Variants in PCDHGB6 observed in about 807,000 individuals in gnomAD.
PCDHGB6 encodes protocadherin gamma subfamily B, 6.
A neutral mutation model predicts 59.1 loss-of-function variants in PCDHGB6; 51 were observed. That is an observed-to-expected ratio of 0.86 (90% CI 0.69 to 1.09). The LOEUF (loss-of-function observed/expected upper bound fraction) is 1.09. Among genes scored for constraint, PCDHGB6 ranks in the 50% least tolerant of loss-of-function variants. The pLI, the probability that PCDHGB6 is intolerant of heterozygous loss-of-function variation, is 0.00. For synonymous variants in PCDHGB6, 466 were observed against 495.1 expected, an observed-to-expected ratio of 0.94 and a Z score of 0.78; for missense variants, 1,148 against 1,205.1, an observed-to-expected ratio of 0.95 and a Z score of 0.70.
chr5:141,476,236 AAG>A lies in PCDHGB6; in HGVS notation c.2419-18565_2419-18564del. ...TCATTCACTATGAGATCCCGGAGGA[AAG>A]AGAGAAGGGTTTCGCTGTGGGCAAC... is the stretch of plus-strand genomic sequence containing the variant. On this transcript the variant is annotated intron_variant, in intron 1 of 3. Transcript: ENST00000520790. The surrounding 1 kb of genome is among the most constrained non-coding windows in gnomAD (Gnocchi z 7.6). 2.5e-6 allele frequency: 4 copies of A among 1,613,980 alleles called. No individual in the cohort carries two copies. Among genetic ancestry groups the A allele is most frequent in the Non-Finnish European group, 3.4e-6 (4 of 1,180,004 alleles).
chr5:141,453,732 C>T (rs182118864), intron 1 of PCDHGB6, among the ~76,000 whole-genome samples: 9 of 152,332 alleles, frequency 5.9e-5, no homozygotes. Context: ...TTTGTTACTA[C>T]AGCTTAAATA....
intron 1 of PCDHGB6, chr5:141,423,967 A>T (rs760284844): frequency 5.2e-6 from 6 of 1,153,616 alleles, no homozygotes; most frequent in Non-Finnish European, 6.5e-6. Context: ...TTTTTCTATT[A>T]TCAGTGTATG....
chr5:141,473,892 G>C (rs1247711441), intron 1 of PCDHGB6, among the ~76,000 whole-genome samples: 1 of 152,138 alleles, frequency 6.6e-6, no homozygotes, highest in African/African-American at 2.4e-5. Context: ...GGGTTCTGTT[G>C]GTTCATGAAG....
At chr5:141,509,143 C>T (rs1022878562) in intron 3 of PCDHGB6, among the ~76,000 whole-genome samples, 9 of 152,138 alleles carry the variant, frequency 5.9e-5, no homozygotes, top group Non-Finnish European at 1.0e-4. Flanking sequence ...AGGCGCATCC[C>T]GGCTCTCCCC....
rs376773009 is a variant in PCDHGB6, at chr5:141,511,838, C to T, written c.*665C>T. 64 of 156,854 alleles carry T rather than the reference C, an allele frequency of 4.1e-4. No homozygotes were observed. Among genetic ancestry groups the T allele is most frequent in the Non-Finnish European group, 6.8e-4 (48 of 70,726 alleles). The allele number at this position is 156,854 out of a possible 1,614,324, so 9.7% of individuals were successfully genotyped here. A position where few individuals can be genotyped will look rare whatever the true frequency, so the allele number is the denominator to read the frequency against. ...TCTTCCCAACGCCCTGGGGACCAGTCTTCTGTTTTGTTTTTCATTGTTTGA... is the reference window on the plus strand; with the variant it reads ...TCTTCCCAACGCCCTGGGGACCAGTTTTCTGTTTTGTTTTTCATTGTTTGA... On this transcript the variant is annotated 3_prime_UTR_variant, in exon 4 of 4. Transcript: ENST00000520790.
At chr5:141,495,071 C>A (rs1391869079) in intron 2 of PCDHGB6, among the ~76,000 whole-genome samples, 1 of 152,160 alleles carries the variant, frequency 6.6e-6, no homozygotes, top group Non-Finnish European at 1.5e-5. Flanking sequence ...AAGCTCAATT[C>A]ACATGCTTGC....
At chr5:141,474,658 A>G (rs950490550) in intron 1 of PCDHGB6, among the ~76,000 whole-genome samples, 13 of 152,176 alleles carry the variant, frequency 8.5e-5, no homozygotes, top group African/African-American at 3.1e-4. Flanking sequence ...CTTCTTTTCT[A>G]CCTACCTAAC....
At chr5:141,415,573 G>A (rs375863243) in intron 1 of PCDHGB6, 68 of 1,613,906 alleles carry the variant, frequency 4.2e-5, no homozygotes, top group Non-Finnish European at 1.2e-5. Flanking sequence ...TTTGTTAGAT[G>A]ATTCGAAGTT....
chr5:141,463,424 CT>C (rs2099058999), intron 1 of PCDHGB6, among the ~76,000 whole-genome samples: 1 of 148,698 alleles, frequency 6.7e-6, no homozygotes, highest in Non-Finnish European at 1.5e-5. Flanking sequence ...TTTGCGGATC[CT>C]CATTTCCTTC....
chr5:141,496,621 CA>C (rs2099769988), intron 2 of PCDHGB6, among the ~76,000 whole-genome samples: 1 of 152,332 alleles, frequency 6.6e-6, no homozygotes, highest in Non-Finnish European at 1.5e-5. Flanking sequence ...AGCAGCAGAT[CA>C]AAAGGCTTGG....
rs1395556571 is a variant in PCDHGB6 at position 141,432,581 on chromosome 5, C to CT, written c.2418+21962dup. ...CCAGAACGCCTGGCTGTCCTACCGT[C>CT]TGCTCAAGGCCAGCGAGCCGGGACT... On this transcript the variant is annotated intron_variant, in intron 1 of 3. Coordinates refer to ENST00000520790, the MANE Select transcript of PCDHGB6 (RefSeq NM_018926.3). This position sits in a 1 kb window ranked among gnomAD's most constrained non-coding sequence, Gnocchi z 6.0. 6.2e-7 allele frequency: 1 copy of CT among 1,613,930 alleles called. No homozygotes were observed.
At chr5:141,420,733 A>T (rs989644819) in intron 1 of PCDHGB6, among the ~76,000 whole-genome samples, 1 of 152,250 alleles carries the variant, frequency 6.6e-6, no homozygotes, top group African/African-American at 2.4e-5. Flanking sequence ...GTCGGTTAAA[A>T]TCAATTGGAA....
chr5:141,423,672 T>A, intron 1 of PCDHGB6: 2 of 1,549,982 alleles, frequency 1.3e-6, no homozygotes, highest in Non-Finnish European at 1.7e-6. Context: ...TGAGATTTAT[T>A]TCTCTGCCTC....
chr5:141,421,469 G>T (rs767500900), intron 1 of PCDHGB6: 1 of 1,614,122 alleles, frequency 6.2e-7, no homozygotes, highest in South Asian at 1.1e-5. Flanking sequence ...GTGAATCCGC[G>T]AAGCGGCAGC....
intron 1 of PCDHGB6, chr5:141,419,308 C>G: frequency 6.2e-7 from 1 of 1,614,026 alleles, no homozygotes; most frequent in Non-Finnish European, 8.5e-7. Flanking sequence ...ACTTCGGGCT[C>G]AACGGCCGTG....
Position 141,485,835 on chromosome 5 carries a change from C to T in PCDHGB6, c.2419-8972C>T, listed in dbSNP as rs747722740. On this transcript the variant is annotated intron_variant, in intron 1 of 3. Transcript: ENST00000520790. This position sits in a 1 kb window ranked among gnomAD's most constrained non-coding sequence, Gnocchi z 5.7. ...ACTGCTGTCGATGGAGGGAACCCGC[C>T]GAGATCTGGCACCGCAGAGCTCCGG... 6.2e-7 allele frequency: 1 copy of T among 1,614,190 alleles called. No homozygotes were observed. Among genetic ancestry groups the T allele is most frequent in the Non-Finnish European group, 8.5e-7 (1 of 1,180,048 alleles).
intron 2 of PCDHGB6, among the ~76,000 whole-genome samples, chr5:141,503,077 T>C (rs902429288): frequency 6.6e-6 from 1 of 151,810 alleles, no homozygotes; most frequent in African/African-American, 2.4e-5. Flanking sequence ...ATGGTCTCGA[T>C]CTCCTGACCT....
intron 1 of PCDHGB6, chr5:141,413,577 T>C (rs752007520): frequency 2.5e-6 from 4 of 1,613,836 alleles, no homozygotes; most frequent in Non-Finnish European, 3.4e-6. Context: ...ATGACAATGC[T>C]CCAAAATTCC....
intron 1 of PCDHGB6, among the ~76,000 whole-genome samples, chr5:141,464,436 TTTG>T (rs1043492514): frequency 1.1e-4 from 17 of 151,396 alleles, no homozygotes; most frequent in Non-Finnish European, 1.9e-4. Flanking sequence ...GATATATATG[TTTG>T]TTGTTGTTGT....
Sources: gnomAD v4.1 joint callset for allele counts (sites outside exome capture counted in the v4.1 genomes callset) on GRCh38, gnomAD v4.1.1 for gene constraint, Gnocchi (gnomAD v3.1) non-coding constraint, MANE v1.5 for transcripts, NCBI Gene and HGNC (gene_info 2026-07-23, HGNC 2026-07-21) for gene names.